TENM1: variants seen among roughly 807,000 people sequenced by gnomAD.
The protein encoded by TENM1 is teneurin transmembrane protein 1.
A neutral mutation model predicts 174.8 loss-of-function variants in TENM1; 35 were observed. That is an observed-to-expected ratio of 0.20 (90% confidence interval 0.15 to 0.27). TENM1 has a LOEUF of 0.27. Ranked by LOEUF, TENM1 falls within the 10% of genes least tolerant of loss-of-function variation. The pLI is 1.00. For missense variants in TENM1, 1,633 were observed against 2,130.1 expected (o/e 0.77, Z 4.59); for synonymous variants, 781 against 798.7 (o/e 0.98, Z 0.37).
chrX:124,852,991 G>C (rs956522200), intron 3 of TENM1, among the ~76,000 whole-genome samples: 3 of 111,621 alleles, frequency 2.7e-5, no homozygotes, highest in Admixed American at 9.5e-5. Flanking sequence ...GTAATAGCCT[G>C]GTGGAAATAG....
In TENM1 at chrX:124,954,376, C is replaced by G. The variant is rs184534105; in HGVS notation, c.217+9161G>C. Among the ~76,000 whole-genome samples the G allele has an allele frequency of 3.6e-5, 4 of 111,747 alleles. No individual in the cohort carries two copies. In the East Asian group the frequency reaches 1.1e-3, roughly 31 times the overall value. On this transcript the variant is annotated intron_variant, in intron 1 of 31. Transcript: ENST00000422452. ...CTATAAACCTCCCTCCTCCATTTATCCACTTTTCTGGCTTCTTTCCCTTCT... is the reference window on the plus strand; with the variant it reads ...CTATAAACCTCCCTCCTCCATTTATGCACTTTTCTGGCTTCTTTCCCTTCT...
At chrX:124,380,830 G>T in exon 32 of TENM1, 1 of 1,210,567 alleles carries the variant, frequency 8.3e-7, no homozygotes, top group Middle Eastern at 2.3e-4. Flanking sequence ...TGAAGCACAG[G>T]GCTCCATGCT....
intron 3 of TENM1, among the ~76,000 whole-genome samples, chrX:124,858,805 T>G (rs1401871863): frequency 1.8e-5 from 2 of 109,960 alleles, no homozygotes; most frequent in African/African-American, 3.4e-5. Context: ...AGTTAGTTAT[T>G]TTTAAGTCAT....
chrX:125,096,483 G>A, the TENM1 span, among the ~76,000 whole-genome samples: 1 of 112,028 alleles, frequency 8.9e-6, no homozygotes, highest in African/African-American at 3.2e-5. Flanking sequence ...GACCAAATAA[G>A]TTGGGGGATA....
chrX:124,952,405 T>G, intron 1 of TENM1, among the ~76,000 whole-genome samples: 1 of 110,580 alleles, frequency 9.0e-6, no homozygotes, highest in Middle Eastern at 4.7e-3. Flanking sequence ...GACATTAGTA[T>G]GTATATGTAT....
At chrX:124,376,059 T>C (rs1278702850) in exon 32 of TENM1, 1 of 112,613 alleles carries the variant, frequency 8.9e-6, no homozygotes, top group Non-Finnish European at 1.9e-5. Flanking sequence ...CAGAGCAAAA[T>C]GCAAAAGACC....
At chrX:124,994,568 T>C in the TENM1 span, among the ~76,000 whole-genome samples, 3 of 110,926 alleles carry the variant, frequency 2.7e-5, no homozygotes, top group Non-Finnish European at 5.7e-5. Context: ...CGCAGTTCTA[T>C]AGTGTTCTTC....
intron 6 of TENM1, among the ~76,000 whole-genome samples, chrX:124,656,164 G>C (rs1005817175): frequency 4.4e-5 from 5 of 112,525 alleles, no homozygotes; most frequent in Non-Finnish European, 9.4e-5. Flanking sequence ...TTAATGAATA[G>C]ATATTGTCAT....
chrX:124,859,466 C>T lies in TENM1; in HGVS notation c.535+34830G>A, dbSNP rs759504216. Among the ~76,000 whole-genome samples the T allele has an allele frequency of 1.2e-4, 13 of 107,177 alleles. No individual in the cohort carries two copies. In the East Asian group the frequency reaches 3.8e-3, roughly 32 times the overall value. The allele number at this position is 107,177 out of a possible 115,157, so 93.1% of individuals were successfully genotyped here. On this transcript the variant is annotated intron_variant, in intron 3 of 31. Coordinates refer to ENST00000422452, the Ensembl canonical transcript of TENM1. The stretch of plus-strand genomic sequence containing the variant: ...GGCTGAGGTAGGAGAATCACTTGAA[C>T]CTGGGTGGCAGAGGTTGCGGTGAGC...
chrX:124,406,171 G>T, intron 26 of TENM1, 146 bp downstream of exon 29: 3 of 479,985 alleles, frequency 6.3e-6, no homozygotes, highest in Non-Finnish European at 1.0e-5. Context: ...AATTTTGTCT[G>T]TGTTTCAACT....
intron 3 of TENM1, among the ~76,000 whole-genome samples, chrX:124,882,552 T>G (rs2057319574): frequency 8.9e-6 from 1 of 112,183 alleles, no homozygotes; most frequent in Non-Finnish European, 1.9e-5. Context: ...TACATCTGAG[T>G]GCTTTGGTAT....
the TENM1 span, among the ~76,000 whole-genome samples, chrX:125,027,610 T>C: frequency 9.8e-6 from 1 of 101,615 alleles, no homozygotes; most frequent in South Asian, 3.9e-4. Flanking sequence ...TTTTTCTTTT[T>C]CTTTTTTTTT....
chrX:124,480,457 A>C (rs1039149957), intron 22 of TENM1, among the ~76,000 whole-genome samples: 1 of 112,314 alleles, frequency 8.9e-6, no homozygotes, highest in Non-Finnish European at 1.9e-5. Context: ...CCATCTAATA[A>C]ATTAAACACA....
At chrX:124,906,672 A>G (rs1383379073) in intron 1 of TENM1, among the ~76,000 whole-genome samples, 1 of 112,353 alleles carries the variant, frequency 8.9e-6, no homozygotes, top group East Asian at 2.8e-4. Flanking sequence ...AAAGAACATC[A>G]ATAGGCAAAT....
At chrX:124,464,009 T>A (rs1318754781) in intron 22 of TENM1, among the ~76,000 whole-genome samples, 1 of 110,463 alleles carries the variant, frequency 9.1e-6, no homozygotes. Context: ...GGGTTCTCAG[T>A]ATATATGGGC....
intron 16 of TENM1, among the ~76,000 whole-genome samples, chrX:124,529,279 GAAGGTTTTACTTC>G (rs2048052302): frequency 8.9e-6 from 1 of 111,933 alleles, no homozygotes; most frequent in African/African-American, 3.3e-5. Context: ...TCCAGGATGA[GAAGGTTTTACTTC>G]AAGGTCTTGC....
intron 23 of TENM1, among the ~76,000 whole-genome samples, chrX:124,446,320 T>G (rs1423570464): frequency 8.9e-6 from 1 of 112,604 alleles, no homozygotes; most frequent in Non-Finnish European, 1.9e-5. Context: ...AACAGTTTTC[T>G]CCTCTGGCAG....
the TENM1 span, among the ~76,000 whole-genome samples, chrX:125,019,217 C>G: frequency 9.0e-6 from 1 of 111,425 alleles, no homozygotes; most frequent in Non-Finnish European, 1.9e-5. Flanking sequence ...AAACCCCCAT[C>G]TAATTGCAAT....
chrX:125,108,131 A>G, the TENM1 span, among the ~76,000 whole-genome samples: 1 of 111,891 alleles, frequency 8.9e-6, no homozygotes, highest in South Asian at 3.7e-4. Context: ...GTCACCCTCC[A>G]TACTCCATGC....
Sources: gnomAD v4.1 joint callset for allele counts (sites outside exome capture counted in the v4.1 genomes callset) on GRCh38, gnomAD v4.1.1 for gene constraint, MANE v1.5 for transcripts, NCBI Gene and HGNC (gene_info 2026-07-23, HGNC 2026-07-21) for gene names.